The following RAD23B variants were observed in gnomAD, a reference collection of about 807,000 sequenced individuals.
The protein encoded by RAD23B is RAD23 nucleotide excision repair protein B, also known as lysine-specific demethylase RAD23B.
A neutral mutation model predicts 49.1 loss-of-function variants in RAD23B; 5 were observed. That is an observed-to-expected ratio of 0.10 (90% CI 0.05 to 0.21). The LOEUF is 0.21. Among genes scored for constraint, RAD23B ranks in the 10% least tolerant of loss-of-function variants. The pLI, the probability that RAD23B is intolerant of heterozygous loss-of-function variation, is 1.00. For missense variants in RAD23B, 356 were observed against 486.7 expected (o/e 0.73, Z 2.53); for synonymous variants, 184 against 165.4 (o/e 1.11, Z -0.86).
At chr9:107,307,998 T>A (rs1345983436) in intron 4 of RAD23B, among the ~76,000 whole-genome samples, 1 of 152,136 alleles carries the variant, frequency 6.6e-6, no homozygotes, top group African/African-American at 2.4e-5. Context: ...ATCAGGTCTG[T>A]ATATGAGAGG....
intron 5 of RAD23B, among the ~76,000 whole-genome samples, chr9:107,315,100 A>C (rs1414672846): frequency 6.6e-6 from 1 of 151,792 alleles, no homozygotes; most frequent in Non-Finnish European, 1.5e-5. Context: ...GTTTTTTTGT[A>C]GTTTCAGGTC....
At position 107,306,626 on chromosome 9, in the gene RAD23B, C is replaced by T; in HGVS notation, c.476C>T (p.Thr159Ile). 1 of 1,614,068 alleles carries T rather than the reference C, an allele frequency of 6.2e-7. No individual in the cohort carries two copies. Among genetic ancestry groups the T allele is most frequent in the Admixed American group, 1.7e-5 (1 of 60,008 alleles). Reference sequence around the variant, plus strand: ...AAGCCAGCAGAGACACCAGTGGCTACTAGCCCAACAGCAACTGACAGGTAG... The same window carrying T: ...AAGCCAGCAGAGACACCAGTGGCTATTAGCCCAACAGCAACTGACAGGTAG... ...AEKPAETPVA[T>I]SPTATDSTSG... Residue 159 changes from threonine to isoleucine, a missense_variant, in exon 4 of 10, where the codon ACT becomes ATT. By Grantham distance (89) the Thr-to-Ile change is moderately conservative (BLOSUM62 -1). Coordinates refer to ENST00000358015, the MANE Select transcript of RAD23B (RefSeq NM_002874.5).
rs1827176303 is a variant in RAD23B at position 107,324,968 on chromosome 9, T to A, written c.1080T>A (p.Ile360=). 1.2e-6 allele frequency: 2 copies of A among 1,613,586 alleles called. No individual in the cohort carries two copies. Among genetic ancestry groups the A allele is most frequent in the Non-Finnish European group, 1.7e-6 (2 of 1,179,910 alleles). ...CTGGAAGTGGTCATATGAACTACAT[T>A]CAAGTAACACCTCAGGAAAAAGAAG... is the stretch of plus-strand genomic sequence containing the variant. ...AEAGSGHMNY[I]QVTPQEKEAI... The change falls in exon 9 of 10, where the codon ATT becomes ATA. Residue 360 remains isoleucine, a synonymous_variant. Transcript: ENST00000358015.
At chr9:107,295,044 A>G (rs1826472521) in intron 1 of RAD23B, among the ~76,000 whole-genome samples, 1 of 142,974 alleles carries the variant, frequency 7.0e-6, no homozygotes, top group South Asian at 2.6e-4. Flanking sequence ...GAATTCAGTG[A>G]TGTTGGTAAA....
chr9:107,325,157 A>G (rs1827181816), intron 9 of RAD23B, 153 bp downstream of exon 9: 1 of 570,946 alleles, frequency 1.8e-6, no homozygotes, highest in Admixed American at 3.3e-5. Flanking sequence ...TCTACTAAAA[A>G]TACAAAAATT....
rs1188537026 is a variant in RAD23B at position 107,283,453 on chromosome 9, G to A, written c.-177G>A. 2.2e-6 allele frequency: 1 copy of A among 452,434 alleles called. No individual in the cohort carries two copies. Among genetic ancestry groups the A allele is most frequent in the African/African-American group, 2.0e-5 (1 of 48,958 alleles). 28.0% of individuals were successfully genotyped at this position (452,434 alleles called of 1,614,324 possible). A position where few individuals can be genotyped will look rare whatever the true frequency, so the allele number is the denominator to read the frequency against. On this transcript the variant is annotated 5_prime_UTR_variant, in exon 1 of 10. Coordinates refer to ENST00000358015, the MANE Select transcript of RAD23B (RefSeq NM_002874.5). ...TCGCGGAGGCAGCGGCGCGGTCCGGGGCACGGGCTGGGGGAGAGGCCGCTC... is the reference window on the plus strand; with the variant it reads ...TCGCGGAGGCAGCGGCGCGGTCCGGAGCACGGGCTGGGGGAGAGGCCGCTC...
At chr9:107,319,010 A>G in intron 6 of RAD23B, 131 bp downstream of exon 6, 1 of 833,662 alleles carries the variant, frequency 1.2e-6, no homozygotes, top group East Asian at 3.3e-5. Context: ...TTTTTTTTCT[A>G]GTATGTTTGT....
At chr9:107,327,444 C>G (rs537544165) in intron 9 of RAD23B, among the ~76,000 whole-genome samples, 14 of 152,188 alleles carry the variant, frequency 9.2e-5, no homozygotes, top group African/African-American at 2.9e-4. Context: ...TAGTAGCATC[C>G]CATAAGTTTT....
At chr9:107,284,667 T>C in intron 1 of RAD23B, 6 of 1,067,602 alleles carry the variant, frequency 5.6e-6, no homozygotes, top group South Asian at 2.5e-5. Flanking sequence ...TTACTGCTTA[T>C]GTTCGGAAAT....
chr9:107,285,648 G>A (rs1218442052), intron 1 of RAD23B, among the ~76,000 whole-genome samples: 1 of 152,174 alleles, frequency 6.6e-6, no homozygotes, highest in Non-Finnish European at 1.5e-5. Flanking sequence ...AAAGTAATAT[G>A]TTATACGTCT....
rs1456911531 is a variant in RAD23B, at chr9:107,302,111, C to T, written c.225C>T (p.Thr75=). 4 of 1,612,336 alleles carry T rather than the reference C, an allele frequency of 2.5e-6. No homozygotes were observed. Among genetic ancestry groups the T allele is most frequent in the Non-Finnish European group, 3.4e-6 (4 of 1,179,602 alleles). The change falls in exon 3 of 10, where the codon ACC becomes ACT. Residue 75 remains threonine (T), a synonymous_variant. Coordinates refer to ENST00000358015, the MANE Select transcript of RAD23B (RefSeq NM_002874.5). ...DEKNFVVVMV[T]KPKAVSTPAP... Reference sequence around the variant, plus strand: ...AAAACTTTGTGGTGGTTATGGTGACCAAAGTAAGTTTCAACCTCATTCTGT... The same window carrying T: ...AAAACTTTGTGGTGGTTATGGTGACTAAAGTAAGTTTCAACCTCATTCTGT...
intron 6 of RAD23B, among the ~76,000 whole-genome samples, chr9:107,319,640 CTG>C (rs1827071160): frequency 1.3e-5 from 2 of 152,192 alleles, no homozygotes; most frequent in Non-Finnish European, 2.9e-5. Flanking sequence ...CTGATTCACT[CTG>C]TTACCAACGT....
At chr9:107,298,169 T>A (rs1826571491) in intron 1 of RAD23B, among the ~76,000 whole-genome samples, 1 of 152,218 alleles carries the variant, frequency 6.6e-6, no homozygotes, top group Admixed American at 6.5e-5. Context: ...GCTCCACCCA[T>A]GCTCTGCCAT....
chr9:107,328,655 C>T (rs767305203), intron 9 of RAD23B, among the ~76,000 whole-genome samples: 3 of 152,192 alleles, frequency 2.0e-5, no homozygotes, highest in East Asian at 3.8e-4. Context: ...CACTGCTCAC[C>T]TCCTCCCGTG....
chr9:107,318,215 G>T lies in RAD23B; in HGVS notation c.554-537G>T, dbSNP rs1369118225. On this transcript the variant is annotated intron_variant, in intron 5 of 9. Coordinates refer to ENST00000358015, the MANE Select transcript of RAD23B (RefSeq NM_002874.5). The surrounding 1 kb of genome is among the most constrained non-coding windows in gnomAD (Gnocchi z 4.3). ...TACTGTAGGTTAGAAGTGTGACACAGGGCTCACTGTACTAAAATCAGGGAG... is the reference window on the plus strand; with the variant it reads ...TACTGTAGGTTAGAAGTGTGACACATGGCTCACTGTACTAAAATCAGGGAG... Among the ~76,000 whole-genome samples the T allele has an allele frequency of 6.6e-6, 1 of 152,182 alleles. No homozygotes were observed. The highest frequency in any genetic ancestry group is 1.5e-5 in the Non-Finnish European group (1 of 68,034).
At position 107,292,135 on chromosome 9, in the gene RAD23B, C is replaced by G. The variant is rs545464130; in HGVS notation, c.67-8006C>G. On this transcript the variant is annotated intron_variant, in intron 1 of 9. Transcript: ENST00000358015. Reference sequence around the variant, plus strand: ...TTTAAAAAAATTAATTAGCAACTAGCTTTTTTTCCTCAAACATAGTTATAA... The same window carrying G: ...TTTAAAAAAATTAATTAGCAACTAGGTTTTTTTCCTCAAACATAGTTATAA... 5.9e-5 allele frequency among the ~76,000 whole-genome samples: 9 copies of G among 152,012 alleles called. No homozygotes were observed. In the South Asian group the frequency reaches 1.9e-3, roughly 32 times the overall value.
chr9:107,324,592 G>A (rs1827168214), intron 8 of RAD23B, among the ~76,000 whole-genome samples: 1 of 151,310 alleles, frequency 6.6e-6, no homozygotes, highest in African/African-American at 2.4e-5. Flanking sequence ...GTTTTTTTAA[G>A]CACAGGAGGC....
At chr9:107,297,396 A>G (rs962427022) in intron 1 of RAD23B, among the ~76,000 whole-genome samples, 5 of 151,688 alleles carry the variant, frequency 3.3e-5, no homozygotes, top group African/African-American at 9.7e-5. Flanking sequence ...CTGGAGTGCA[A>G]TGGTATGATC....
At position 107,331,700 on chromosome 9, in the gene RAD23B, AAC is replaced by A; in HGVS notation, c.*2046_*2047del. On this transcript the variant is annotated 3_prime_UTR_variant, in exon 10 of 10. Transcript: ENST00000358015. ...GTGAAAACTGGAAACAAAAAAAAAAAACAGCCTCTTCTTGGAAAGTGACAGCA... is the reference window on the plus strand; with the variant it reads ...GTGAAAACTGGAAACAAAAAAAAAAAAGCCTCTTCTTGGAAAGTGACAGCA... The A allele has an allele frequency of 1.3e-6, 1 of 778,904 alleles. No homozygotes were observed. The highest frequency in any genetic ancestry group is 2.4e-5 in the East Asian group (1 of 41,234). 48.2% of individuals were successfully genotyped at this position (778,904 alleles called of 1,614,324 possible).
Sources: allele counts gnomAD v4.1 joint callset (sites outside exome capture counted in the v4.1 genomes callset), GRCh38; gene constraint gnomAD v4.1.1; non-coding constraint Gnocchi (gnomAD v3.1); transcripts MANE v1.5; gene names NCBI Gene and HGNC (gene_info 2026-07-23, HGNC 2026-07-21).